The following KIF21B variants were observed in gnomAD, a reference collection of about 807,000 sequenced individuals.
KIF21B encodes the protein kinesin family member 21B, also known as kinesin-like protein KIF21B.
A neutral mutation model predicts 192.9 loss-of-function variants in KIF21B; 85 were observed. The observed-to-expected ratio is 0.44, with a 90% CI of 0.37 to 0.53. The LOEUF (loss-of-function observed/expected upper bound fraction) is 0.53. Among genes scored for constraint, KIF21B ranks in the 20% least tolerant of loss-of-function variants. The pLI is 0.00. For synonymous variants in KIF21B, 832 were observed against 884.6 expected (o/e 0.94, Z 1.05); for missense variants, 1,716 against 2,194.8 (o/e 0.78, Z 4.36).
rs955218733 is a variant in KIF21B at position 200,973,447 on chromosome 1, G to A, written c.*74C>T. 1.5e-5 allele frequency: 20 copies of A among 1,378,300 alleles called. No homozygotes were observed. Among genetic ancestry groups the A allele is most frequent in the Middle Eastern group, 2.1e-4 (1 of 4,728 alleles). 85.4% of individuals were successfully genotyped at this position (1,378,300 alleles called of 1,614,324 possible). Reference sequence around the variant, plus strand: ...CCCAGAGCAGCTGGCCCCATCGGCCGGGTCACAGCTTCCCTTCCATGGTGT... The same window carrying A: ...CCCAGAGCAGCTGGCCCCATCGGCCAGGTCACAGCTTCCCTTCCATGGTGT... On this transcript the variant is annotated 3_prime_UTR_variant, in exon 35 of 35. Coordinates refer to ENST00000461742, the MANE Select transcript of KIF21B (RefSeq NM_001252102.2).
intron 9 of KIF21B, 90 bp downstream of exon 9, chr1:201,002,071 C>G: frequency 1.9e-5 from 22 of 1,161,294 alleles, no homozygotes; most frequent in East Asian, 2.4e-5. Flanking sequence ...GACTGGCTGG[C>G]TTAGTCCACC....
intron 15 of KIF21B, among the ~76,000 whole-genome samples, chr1:200,992,822 C>A (rs755343648): frequency 2.1e-4 from 32 of 152,214 alleles, no homozygotes; most frequent in Admixed American, 4.6e-4. Flanking sequence ...CCCTCATGGC[C>A]AGGCTCACAG....
At chr1:200,989,814 A>T (rs755227765) in intron 21 of KIF21B, 128 bp downstream of exon 21, 1 of 672,742 alleles carries the variant, frequency 1.5e-6, no homozygotes, top group Non-Finnish European at 2.6e-6. Flanking sequence ...TGCAGAGGTT[A>T]GGCGGCTTGT....
chr1:200,990,475 G>C lies in KIF21B; in HGVS notation c.2835+101C>G, dbSNP rs760631083. Reference sequence around the variant, plus strand: ...TTCCAGAGCAGGCAAAAGGAGCAGAGGGAAGTGGGGCAGGGAAAGGTCTGA... The same window carrying C: ...TTCCAGAGCAGGCAAAAGGAGCAGACGGAAGTGGGGCAGGGAAAGGTCTGA... On this transcript the variant is annotated intron_variant, in intron 19 of 34. Coordinates refer to ENST00000461742, the MANE Select transcript of KIF21B (RefSeq NM_001252102.2). This position sits in a 1 kb window ranked among gnomAD's most constrained non-coding sequence, Gnocchi z 5.4. The C allele has an allele frequency of 2.0e-6, 3 of 1,502,120 alleles. No homozygotes were observed. Among genetic ancestry groups the C allele is most frequent in the Non-Finnish European group, 2.7e-6 (3 of 1,100,768 alleles). 93.0% of individuals were successfully genotyped at this position (1,502,120 alleles called of 1,614,324 possible).
At chr1:200,991,845 C>A in intron 16 of KIF21B, 120 bp from the exon 17 acceptor site, 1 of 1,022,894 alleles carries the variant, frequency 9.8e-7, no homozygotes, top group Non-Finnish European at 1.5e-6. Flanking sequence ...CTCATGCAGC[C>A]AAACTCTTGA....
At chr1:201,007,373 G>GACACACAC (rs1374312365) in intron 3 of KIF21B, among the ~76,000 whole-genome samples, 2,216 of 41,760 alleles carry the variant, frequency 0.053, 438 homozygotes, top group African/African-American at 0.085. Context: ...CACACACACA[G>GACACACAC]AGACAGAGAC....
intron 9 of KIF21B, among the ~76,000 whole-genome samples, chr1:201,001,083 G>A (rs376416756): frequency 6.6e-5 from 10 of 150,400 alleles, no homozygotes; most frequent in East Asian, 5.9e-4. Context: ...CTCCAGCCTG[G>A]GCAACAAGAG....
chr1:200,995,987 C>T (rs1347254187), intron 15 of KIF21B, among the ~76,000 whole-genome samples: 1 of 152,180 alleles, frequency 6.6e-6, no homozygotes, highest in African/African-American at 2.4e-5. Context: ...CACACTGGCC[C>T]CACTACTGGG....
At chr1:201,005,115 A>C (rs1024062297) in intron 5 of KIF21B, among the ~76,000 whole-genome samples, 182 bp from the exon 6 acceptor site, 3 of 152,246 alleles carry the variant, frequency 2.0e-5, no homozygotes, top group South Asian at 4.1e-4. Context: ...AATCCTCACA[A>C]CACCACGATA....
chr1:200,977,003 C>T, intron 31 of KIF21B, 110 bp from the exon 32 acceptor site: 1 of 974,994 alleles, frequency 1.0e-6, no homozygotes, highest in South Asian at 1.6e-5. Flanking sequence ...CTCACCCTCC[C>T]CTCTCGCTCA....
intron 15 of KIF21B, 27 bp downstream of exon 15, chr1:200,996,169 C>T: frequency 6.2e-7 from 1 of 1,607,418 alleles, no homozygotes; most frequent in Non-Finnish European, 8.5e-7. Context: ...CACTCCAGGC[C>T]CCACTCCTCA....
intron 1 of KIF21B, 22 bp from the exon 2 acceptor site, chr1:201,009,510 C>T (rs1658113919): frequency 6.2e-7 from 1 of 1,607,104 alleles, no homozygotes; most frequent in Non-Finnish European, 8.5e-7. Context: ...GGAGAGAGCC[C>T]TGGGTCAGGC....
chr1:201,008,032 G>C (rs1658014629), intron 3 of KIF21B, among the ~76,000 whole-genome samples: 1 of 152,222 alleles, frequency 6.6e-6, no homozygotes, highest in Non-Finnish European at 1.5e-5. Context: ...GCAGGGGCTG[G>C]GGTTGGGGAA....
intron 26 of KIF21B, among the ~76,000 whole-genome samples, chr1:200,985,781 T>TCCCCC (rs1656248898): frequency 8.9e-5 from 4 of 44,980 alleles, no homozygotes; most frequent in East Asian, 7.9e-4. Flanking sequence ...TCCCCTCCCC[T>TCCCCC]TCCCCCTCCC....
At position 201,023,337 on chromosome 1, in the gene KIF21B, C is replaced by T. The variant is rs1399189401; in HGVS notation, c.41+6G>A. The T allele has an allele frequency of 4.6e-6, 7 of 1,529,648 alleles. No homozygotes were observed. Among genetic ancestry groups the T allele is most frequent in the African/African-American group, 1.4e-5 (1 of 70,084 alleles). The allele number at this position is 1,529,648 out of a possible 1,614,324, so 94.8% of individuals were successfully genotyped here. A position where few individuals can be genotyped will look rare whatever the true frequency, so the allele number is the denominator to read the frequency against. ...GCGCGCCCCCTTCCCCGCCCCGGGT[C>T]CCTACCTGACGGCCACCTTGACGCA... On this transcript the variant is annotated splice_donor_region_variant and intron_variant, in intron 1 of 34. Coordinates refer to ENST00000461742, the MANE Select transcript of KIF21B (RefSeq NM_001252102.2). This position sits in a 1 kb window ranked among gnomAD's most constrained non-coding sequence, Gnocchi z 5.9.
intron 14 of KIF21B, among the ~76,000 whole-genome samples, chr1:200,997,146 T>A (rs1193386630): frequency 6.6e-6 from 1 of 152,224 alleles, no homozygotes; most frequent in Non-Finnish European, 1.5e-5. Context: ...AGAGTAGTCT[T>A]TTAAAAATGC....
intron 31 of KIF21B, 45 bp downstream of exon 31, chr1:200,977,167 C>T: frequency 6.4e-7 from 1 of 1,573,294 alleles, no homozygotes; most frequent in Non-Finnish European, 8.7e-7. Context: ...GGGGACCTTG[C>T]CTGGGAATGC....
In KIF21B at chr1:200,981,107, G is replaced by A. The variant is rs200848395; in HGVS notation, c.3843-11C>T. The A allele has an allele frequency of 5.7e-6, 9 of 1,576,246 alleles. No homozygotes were observed. Among genetic ancestry groups the A allele is most frequent in the Non-Finnish European group, 4.3e-6 (5 of 1,166,966 alleles). ...GGGGAGATGATGCCCCTTCCCGGGA[G>A]AGAGGGAGAGAAGGCATGCTCGTCA... On this transcript the variant is annotated splice_polypyrimidine_tract_variant and intron_variant, in intron 28 of 34. Transcript: ENST00000461742.
In KIF21B at chr1:200,974,820, T is replaced by C; in HGVS notation, c.4708A>G (p.Lys1570Glu). The C allele has an allele frequency of 6.2e-7, 1 of 1,614,212 alleles. No individual in the cohort carries two copies. Among genetic ancestry groups the C allele is most frequent in the Non-Finnish European group, 8.5e-7 (1 of 1,180,018 alleles). ...GTGAAGTTGTCCACGTTCCAGACCT[T>C]GATGACACCCGCACGGCAGGCGCTG... The part of the protein sequence containing the change: ...LLSACRAGVI[K>E]VWNVDNFTPI... The change falls in exon 34 of 35, where the codon AAG (lysine) becomes GAG (glutamate). Residue 1570 changes from lysine to glutamate, a missense_variant. This residue lies in a region of KIF21B where 580 missense variants were observed against 775.5 expected (regional missense o/e 0.75). Coordinates refer to ENST00000461742, the MANE Select transcript of KIF21B (RefSeq NM_001252102.2).
Sources: allele counts gnomAD v4.1 joint callset (sites outside exome capture counted in the v4.1 genomes callset), GRCh38; gene constraint gnomAD v4.1.1; regional missense constraint gnomAD v4.1.1; non-coding constraint Gnocchi (gnomAD v3.1); transcripts MANE v1.5; gene names NCBI Gene and HGNC (gene_info 2026-07-23, HGNC 2026-07-21).